PTK2B: variants seen among roughly 807,000 people sequenced by gnomAD.
PTK2B encodes protein tyrosine kinase 2 beta.
A neutral mutation model predicts 142.9 loss-of-function variants in PTK2B; 71 were observed. The ratio of observed to expected loss-of-function variants is 0.50; its 90% CI spans 0.41 to 0.61. The LOEUF (loss-of-function observed/expected upper bound fraction) is 0.61. Among genes scored for constraint, PTK2B ranks in the 20% least tolerant of loss-of-function variants. PTK2B has a pLI of 0.00. For synonymous variants in PTK2B, 519 were observed against 503.4 expected, an observed-to-expected ratio of 1.03 and a Z score of -0.42; for missense variants, 1,105 against 1,320.4, an observed-to-expected ratio of 0.84 and a Z score of 2.53.
At chr8:27,338,308 T>C (rs1280708255) in intron 1 of PTK2B, among the ~76,000 whole-genome samples, 1 of 152,024 alleles carries the variant, frequency 6.6e-6, no homozygotes, top group Non-Finnish European at 1.5e-5. Flanking sequence ...TTTAAGGTTA[T>C]GCCCTCAAAA....
Position 27,458,680 on chromosome 8 carries a change from G to C in PTK2B, c.*171G>C. 1.5e-6 allele frequency: 1 copy of C among 662,104 alleles called. No homozygotes were observed. Among genetic ancestry groups the C allele is most frequent in the South Asian group, 1.9e-5 (1 of 53,224 alleles). The allele number at this position is 662,104 out of a possible 1,614,324, so 41.0% of individuals were successfully genotyped here. A position where few individuals can be genotyped will look rare whatever the true frequency, so the allele number is the denominator to read the frequency against. ...CCCCTACCCCTGGCTGTACTGCTCA[G>C]GCTGCAGCTGGACAGAGGGGACTCT... is the stretch of plus-strand genomic sequence containing the variant. On this transcript the variant is annotated 3_prime_UTR_variant, in exon 31 of 31. Transcript: ENST00000346049.
At chr8:27,356,045 T>C (rs572574453) in intron 1 of PTK2B, among the ~76,000 whole-genome samples, 212 of 152,116 alleles carry the variant, frequency 1.4e-3, no homozygotes, top group Non-Finnish European at 2.6e-3. Context: ...AGTTCCAGTA[T>C]TATCTAGAAT....
At chr8:27,437,076 G>A in intron 15 of PTK2B, 46 bp from the exon 16 acceptor site, 1 of 1,570,986 alleles carries the variant, frequency 6.4e-7, no homozygotes, top group South Asian at 1.1e-5. Context: ...ACATTCTGCT[G>A]AGCACTGGGC....
intron 1 of PTK2B, among the ~76,000 whole-genome samples, chr8:27,390,234 CA>C (rs1261928097): frequency 8.5e-5 from 13 of 152,070 alleles, no homozygotes; most frequent in Non-Finnish European, 1.9e-4. Context: ...TGGAGGAAGG[CA>C]GGGCTGGGTG....
At chr8:27,454,658 T>C in intron 30 of PTK2B, 47 bp downstream of exon 30, 2 of 1,585,326 alleles carry the variant, frequency 1.3e-6, no homozygotes, top group Non-Finnish European at 1.7e-6. Flanking sequence ...GCTTTGCTCC[T>C]GCTTATGAGC....
chr8:27,437,209 A>G lies in PTK2B; in HGVS notation c.1426+3A>G, dbSNP rs1453283969. On this transcript the variant is annotated splice_donor_region_variant and intron_variant, in intron 16 of 30. Coordinates refer to ENST00000346049, the MANE Select transcript of PTK2B (RefSeq NM_173176.3). ...GGAGAAGTTCATGAGCGAGGCAGGT[A>G]GGGACCCCTGAGACCAACCAGGCCT... is the stretch of plus-strand genomic sequence containing the variant. 3.1e-6 allele frequency: 5 copies of G among 1,613,244 alleles called. No individual in the cohort carries two copies. The African/African-American group carries it at 6.7e-5, about 22-fold the overall frequency.
rs1358253483 is a variant in PTK2B, at chr8:27,434,565, C to T, written c.1192+6C>T. The T allele has an allele frequency of 1.9e-6, 3 of 1,599,144 alleles. No homozygotes were observed. Among genetic ancestry groups the T allele is most frequent in the Non-Finnish European group, 2.6e-6 (3 of 1,172,810 alleles). On this transcript the variant is annotated splice_donor_region_variant and intron_variant, in intron 13 of 30. Transcript: ENST00000346049. ...CTCAGAGAGCTGCAGCATAGGTGAGCTGCCCGCTGCATCCTCCACCTGCTC... is the reference window on the plus strand; with the variant it reads ...CTCAGAGAGCTGCAGCATAGGTGAGTTGCCCGCTGCATCCTCCACCTGCTC...
chr8:27,458,315 C>T lies in PTK2B; in HGVS notation c.2836C>T (p.Leu946Phe). The T allele has an allele frequency of 6.2e-7, 1 of 1,614,120 alleles. No individual in the cohort carries two copies. Among genetic ancestry groups the T allele is most frequent in the Admixed American group, 1.7e-5 (1 of 60,018 alleles). ...ACAGATCGAGGGCACCCAGAAACTG[C>T]TCAACAAAGACCTGGCAGAGCTCAT... ...RTEIEGTQKL[L>F]NKDLAELINK... The change falls in exon 31 of 31, where the codon CTC (leucine) becomes TTC (phenylalanine). Residue 946 changes from leucine to phenylalanine, a missense_variant. Transcript: ENST00000346049.
At chr8:27,327,635 CTGGATT>C (rs1803498630) in intron 1 of PTK2B, among the ~76,000 whole-genome samples, 1 of 152,144 alleles carries the variant, frequency 6.6e-6, no homozygotes, top group Non-Finnish European at 1.5e-5. Flanking sequence ...ACCATTCCTC[CTGGATT>C]TTATTATGAG....
chr8:27,385,608 C>T (rs944559733), intron 1 of PTK2B, among the ~76,000 whole-genome samples: 1 of 152,002 alleles, frequency 6.6e-6, no homozygotes, highest in Non-Finnish European at 1.5e-5. Flanking sequence ...AAAACTGTAT[C>T]AGGGCCGGGC....
At chr8:27,403,999 TC>T (rs1808547635) in intron 2 of PTK2B, among the ~76,000 whole-genome samples, 1 of 149,730 alleles carries the variant, frequency 6.7e-6, no homozygotes, top group Non-Finnish European at 1.5e-5. Context: ...CCCTCTCCTT[TC>T]TCTTCTTCTC....
intron 1 of PTK2B, among the ~76,000 whole-genome samples, chr8:27,360,581 G>A (rs1360107406): frequency 6.6e-6 from 1 of 152,050 alleles, no homozygotes; most frequent in African/African-American, 2.4e-5. Flanking sequence ...TGAGCTAGCT[G>A]GCTCCTGAAC....
At chr8:27,419,873 G>A in intron 2 of PTK2B, 22 bp from the exon 3 acceptor site, 1 of 1,613,080 alleles carries the variant, frequency 6.2e-7, no homozygotes, top group Non-Finnish European at 8.5e-7. Flanking sequence ...CCTGAGTCAT[G>A]CCTCTCTCTT....
intron 1 of PTK2B, among the ~76,000 whole-genome samples, chr8:27,329,423 G>A (rs1327043645): frequency 2.0e-5 from 3 of 152,094 alleles, no homozygotes; most frequent in Non-Finnish European, 4.4e-5. Context: ...ATACTGCTAG[G>A]ACAAAGGAAA....
chr8:27,335,078 A>C (rs1202021014), intron 1 of PTK2B, among the ~76,000 whole-genome samples: 2 of 152,174 alleles, frequency 1.3e-5, no homozygotes, highest in Non-Finnish European at 2.9e-5. Flanking sequence ...ATGCTCCGGG[A>C]AAATGGGAGA....
At chr8:27,365,911 C>T (rs1421508405) in intron 1 of PTK2B, among the ~76,000 whole-genome samples, 1 of 152,164 alleles carries the variant, frequency 6.6e-6, no homozygotes, top group Non-Finnish European at 1.5e-5. Context: ...TTAAGGACTT[C>T]GGACTTAGCC....
At chr8:27,367,498 T>C (rs1184934042) in intron 1 of PTK2B, among the ~76,000 whole-genome samples, 1 of 152,216 alleles carries the variant, frequency 6.6e-6, no homozygotes, top group Non-Finnish European at 1.5e-5. Context: ...GACGATGGCC[T>C]CTCTCCTCAG....
intron 1 of PTK2B, among the ~76,000 whole-genome samples, chr8:27,387,284 A>G (rs1348428322): frequency 6.6e-6 from 1 of 152,174 alleles, no homozygotes; most frequent in Non-Finnish European, 1.5e-5. Flanking sequence ...GCTTTTCCTC[A>G]TCCTCAAAAT....
Position 27,453,291 on chromosome 8 carries a change from C to T in PTK2B, c.2595+131C>T, listed in dbSNP as rs115220258. The T allele has an allele frequency of 2.6e-3, 3,102 of 1,174,744 alleles. 62 individuals are homozygous for T. In the African/African-American group the frequency reaches 0.043, roughly 16 times the overall value. The allele number at this position is 1,174,744 out of a possible 1,614,324, so 72.8% of individuals were successfully genotyped here. A position where few individuals can be genotyped will look rare whatever the true frequency, so the allele number is the denominator to read the frequency against. On this transcript the variant is annotated intron_variant, in intron 28 of 30. Coordinates refer to ENST00000346049, the MANE Select transcript of PTK2B (RefSeq NM_173176.3). ...GTGTCCTCATGATACAGATGAAGCC[C>T]GGGGTTAGGGGGCGGGTGGCGGGGT...
Sources: gnomAD v4.1 joint callset for allele counts (sites outside exome capture counted in the v4.1 genomes callset) on GRCh38, gnomAD v4.1.1 for gene constraint, MANE v1.5 for transcripts, NCBI Gene and HGNC (gene_info 2026-07-23, HGNC 2026-07-21) for gene names.